Variants in FRMD4A observed in about 807,000 individuals in gnomAD.
The protein encoded by FRMD4A is FERM domain containing 4A.
Under a neutral mutation model 129.1 loss-of-function variants are expected in FRMD4A, and 29 were observed. The observed-to-expected ratio is 0.22, with a 90% CI of 0.17 to 0.31. The LOEUF is 0.31. FRMD4A is among the 10% of genes least tolerant of loss of function. The pLI is 1.00. For missense variants in FRMD4A, 1,272 were observed against 1,375.8 expected, an observed-to-expected ratio of 0.92 and a Z score of 1.19; for synonymous variants, 634 against 571.6, an observed-to-expected ratio of 1.11 and a Z score of -1.56.
rs1485824031 is a variant in FRMD4A at position 13,657,220 on chromosome 10, G to A, written c.2369C>T (p.Ala790Val). Residue 790 changes from alanine (A) to valine (V), a missense_variant, in exon 22 of 25, where the codon GCG (alanine) becomes GTG (valine). By Grantham distance (64) the Ala-to-Val change is moderately conservative (BLOSUM62 0). Around this residue, in one of 2 missense-constraint regions of FRMD4A, gnomAD observed 972 missense variants for 892.3 expected, o/e 1.09. Transcript: ENST00000357447. ...RQRQRQRQRA[A>V]GALGSASSGS... ...CGAGCTGGCTGAGCCCAGTGCGCCC[G>A]CCGCCCGCTGCCGCTGCCTCTGCCT... 7.1e-6 allele frequency: 11 copies of A among 1,547,178 alleles called. No individual in the cohort carries two copies. The highest frequency in any genetic ancestry group is 2.3e-5 in the South Asian group (2 of 85,502).
At chr10:14,066,043 T>TGTGTGTGTGTGTGTGTG (rs61170623) in intron 2 of FRMD4A, among the ~76,000 whole-genome samples, 1 of 149,448 alleles carries the variant, frequency 6.7e-6, no homozygotes, top group African/African-American at 2.5e-5. Context: ...TGTGTGTGTG[T>TGTGTGTGTGTGTGTGTG]CGGTAGGGGG....
At chr10:13,774,387 T>C (rs1233131211) in intron 6 of FRMD4A, among the ~76,000 whole-genome samples, 1 of 152,134 alleles carries the variant, frequency 6.6e-6, no homozygotes, top group African/African-American at 2.4e-5. Context: ...CAAACACCTT[T>C]CCTCGCCTTT....
At chr10:13,939,060 G>C (rs2095270737) in intron 2 of FRMD4A, among the ~76,000 whole-genome samples, 1 of 152,192 alleles carries the variant, frequency 6.6e-6, no homozygotes, top group Admixed American at 6.5e-5. Flanking sequence ...GGTCTGAAAA[G>C]TCAATAGTAC....
chr10:13,994,585 C>T (rs550303966), intron 2 of FRMD4A, among the ~76,000 whole-genome samples: 1 of 152,128 alleles, frequency 6.6e-6, no homozygotes, highest in Non-Finnish European at 1.5e-5. Context: ...GGACAGTGCT[C>T]TTTTACTTGT....
chr10:13,781,869 G>A (rs1321619604), intron 6 of FRMD4A, among the ~76,000 whole-genome samples: 1 of 152,166 alleles, frequency 6.6e-6, no homozygotes, highest in East Asian at 1.9e-4. Flanking sequence ...CAGTTTAGCA[G>A]ATGAAAAGAG....
At chr10:13,651,749 G>A (rs1375485434) in intron 24 of FRMD4A, 154 bp downstream of exon 24, 2 of 624,552 alleles carry the variant, frequency 3.2e-6, no homozygotes, top group African/African-American at 3.7e-5. Context: ...AGAACCTTCA[G>A]CTAAAAACAT....
intron 6 of FRMD4A, among the ~76,000 whole-genome samples, chr10:13,764,501 T>TCAAA (rs985473476): frequency 4.5e-5 from 5 of 112,262 alleles, no homozygotes; most frequent in East Asian, 4.1e-4. Context: ...AGACCCTGCC[T>TCAAA]CAAATAAACA....
chr10:13,661,745 C>T (rs1021128954), intron 19 of FRMD4A, among the ~76,000 whole-genome samples: 3 of 152,004 alleles, frequency 2.0e-5, no homozygotes, highest in Non-Finnish European at 2.9e-5. Context: ...GAGGAGGGAA[C>T]GATTCAGGCT....
chr10:13,677,876 C>G (rs2084135404), intron 15 of FRMD4A, among the ~76,000 whole-genome samples: 1 of 152,152 alleles, frequency 6.6e-6, no homozygotes, highest in South Asian at 2.1e-4. Flanking sequence ...AAAAACAGAC[C>G]TAGAGAAACT....
At chr10:14,033,119 C>G (rs190332282) in intron 2 of FRMD4A, among the ~76,000 whole-genome samples, 2 of 152,224 alleles carry the variant, frequency 1.3e-5, no homozygotes, top group Non-Finnish European at 2.9e-5. Flanking sequence ...TCAGCCTGGC[C>G]AACATGGTGA....
At chr10:13,686,386 C>G (rs1295831545) in intron 15 of FRMD4A, among the ~76,000 whole-genome samples, 2 of 152,204 alleles carry the variant, frequency 1.3e-5, no homozygotes, top group Non-Finnish European at 2.9e-5. Flanking sequence ...CCTATCAGCT[C>G]CCCTCTCTGT....
intron 6 of FRMD4A, among the ~76,000 whole-genome samples, chr10:13,771,487 G>C (rs2092452971): frequency 1.3e-5 from 2 of 152,158 alleles, no homozygotes; most frequent in South Asian, 4.1e-4. Flanking sequence ...TGCAGTGTAG[G>C]CAACAAAACT....
At chr10:13,980,669 A>G (rs1385328747) in intron 2 of FRMD4A, among the ~76,000 whole-genome samples, 1 of 152,200 alleles carries the variant, frequency 6.6e-6, no homozygotes, top group African/African-American at 2.4e-5. Flanking sequence ...ACAGTGAGCT[A>G]TGATTGCACC....
At chr10:13,775,212 T>C (rs141797831) in intron 6 of FRMD4A, among the ~76,000 whole-genome samples, 34 of 152,322 alleles carry the variant, frequency 2.2e-4, no homozygotes, top group African/African-American at 5.8e-4. Flanking sequence ...AAAGAATGCA[T>C]GTCACGTCTC....
intron 2 of FRMD4A, among the ~76,000 whole-genome samples, chr10:14,065,257 C>T (rs1370283652): frequency 2.6e-5 from 4 of 152,158 alleles, no homozygotes; most frequent in Non-Finnish European, 5.9e-5. Flanking sequence ...GATCTCAGCT[C>T]ACTGCAACCT....
At chr10:14,223,094 AAAC>A (rs1204429133) in intron 2 of FRMD4A, among the ~76,000 whole-genome samples, 2 of 152,122 alleles carry the variant, frequency 1.3e-5, no homozygotes, top group East Asian at 1.9e-4. Context: ...TCTGTCTCAA[AAAC>A]AACAACAACA....
chr10:14,118,598 C>A (rs1838323909), intron 2 of FRMD4A, among the ~76,000 whole-genome samples: 1 of 152,166 alleles, frequency 6.6e-6, no homozygotes, highest in Admixed American at 6.5e-5. Flanking sequence ...GTTTAATGGA[C>A]TCACAGTTCC....
At chr10:14,067,278 T>C (rs1163606480) in intron 2 of FRMD4A, among the ~76,000 whole-genome samples, 1 of 151,988 alleles carries the variant, frequency 6.6e-6, no homozygotes, top group Non-Finnish European at 1.5e-5. Context: ...ACCATGCCAT[T>C]GCACTCCAGC....
chr10:13,866,012 C>T (rs1291275536), intron 2 of FRMD4A, among the ~76,000 whole-genome samples: 4 of 152,112 alleles, frequency 2.6e-5, no homozygotes, highest in African/African-American at 9.7e-5. Flanking sequence ...TACTCGTTGA[C>T]ATCCCCGTGA....
Sources: gnomAD v4.1 joint callset for allele counts (sites outside exome capture counted in the v4.1 genomes callset) on GRCh38, gnomAD v4.1.1 for gene constraint, gnomAD v4.1.1 regional missense constraint, MANE v1.5 for transcripts, NCBI Gene and HGNC (gene_info 2026-07-23, HGNC 2026-07-21) for gene names.